RDM1: variants seen among roughly 807,000 people sequenced by gnomAD.
RDM1 encodes the protein RAD52 motif-containing protein 1.
Under a neutral mutation model 27.7 loss-of-function variants are expected in RDM1, and 28 were observed. The observed-to-expected ratio is 1.01, with a 90% CI of 0.75 to 1.39. The LOEUF (loss-of-function observed/expected upper bound fraction) is 1.39, where lower values mean the gene tolerates loss of function less well. RDM1 is among the 40% of genes most tolerant of loss of function. The probability of loss-of-function intolerance (pLI) is 0.00; values close to 1 mark genes in which losing one functional copy is unlikely to be tolerated. For missense variants in RDM1, 277 were observed against 337.3 expected (o/e 0.82, Z 1.40); for synonymous variants, 124 against 127.5 (o/e 0.97, Z 0.19).
intron 4 of RDM1, among the ~76,000 whole-genome samples, chr17:35,924,318 G>A (rs576803521): frequency 2.0e-5 from 3 of 152,082 alleles, no homozygotes; most frequent in South Asian, 4.2e-4. Flanking sequence ...ATTTTAGTTC[G>A]AAGCAAGTTC....
At chr17:35,920,456 C>CTCTTT (rs2088902363) in intron 5 of RDM1, among the ~76,000 whole-genome samples, 184 bp from the exon 6 acceptor site, 1 of 118,024 alleles carries the variant, frequency 8.5e-6, no homozygotes, top group Non-Finnish European at 1.6e-5. Context: ...TTCTTTCTTT[C>CTCTTT]TTTTTTTTTT....
Position 35,924,645 on chromosome 17 carries a change from C to A in RDM1, c.527G>T (p.Gly176Val). 6.2e-7 allele frequency: 1 copy of A among 1,614,060 alleles called. No individual in the cohort carries two copies. Among genetic ancestry groups the A allele is most frequent in the Non-Finnish European group, 8.5e-7 (1 of 1,179,948 alleles). The change falls in exon 4 of 7, where the codon GGC becomes GTC. Residue 176 changes from glycine to valine, a missense_variant. Coordinates refer to ENST00000620284, the MANE Select transcript of RDM1 (RefSeq NM_145654.4). Reference protein sequence around the residue: ...VLPSCDCRSPGIGLVEEPMDK... With the variant: ...VLPSCDCRSPVIGLVEEPMDK... Reference sequence around the variant, plus strand: ...CATAGGCTCCTCCACCAAGCCAATGCCAGGACTCCTGCAATCACAGGATGG... The same window carrying A: ...CATAGGCTCCTCCACCAAGCCAATGACAGGACTCCTGCAATCACAGGATGG...
Position 35,922,592 on chromosome 17 carries a change from A to G in RDM1, c.652T>C (p.Leu218=), listed in dbSNP as rs544506862. ...KALSDAFQKL[L]IVVLESGKIA... ...ACAGTCTTACCTAGAACAACAATCA[A>G]CAGTTTCTGGAATGCATCTGACAAA... The change falls in exon 5 of 7, where the codon TTG becomes CTG. Residue 218 remains leucine, a synonymous_variant. Coordinates refer to ENST00000620284, the MANE Select transcript of RDM1 (RefSeq NM_145654.4). The G allele has an allele frequency of 2.2e-5, 36 of 1,611,568 alleles. No homozygotes were observed. In the East Asian group the frequency reaches 2.9e-4, roughly 13 times the overall value.
At chr17:35,923,871 T>C (rs530073996) in intron 4 of RDM1, among the ~76,000 whole-genome samples, 2 of 152,168 alleles carry the variant, frequency 1.3e-5, no homozygotes, top group African/African-American at 4.8e-5. Context: ...CTGAAACCCT[T>C]TTATGAGTAA....
At chr17:35,919,280 A>G (rs1412945287) in intron 6 of RDM1, among the ~76,000 whole-genome samples, 1 of 152,226 alleles carries the variant, frequency 6.6e-6, no homozygotes, top group Non-Finnish European at 1.5e-5. Context: ...GTTTTCTTTC[A>G]GAGATTAATT....
intron 3 of RDM1, 107 bp downstream of exon 3, chr17:35,925,408 C>T: frequency 8.0e-7 from 1 of 1,250,722 alleles, no homozygotes; most frequent in Non-Finnish European, 1.1e-6. Context: ...TGGTAGAGGC[C>T]TCTCACATCT....
chr17:35,926,308 C>T (rs1297790327), intron 2 of RDM1, among the ~76,000 whole-genome samples: 1 of 150,898 alleles, frequency 6.6e-6, no homozygotes, highest in African/African-American at 2.5e-5. Context: ...CTATATATTT[C>T]ATTTTTTAAA....
At chr17:35,925,748 TC>T in intron 2 of RDM1, 111 bp from the exon 3 acceptor site, 1 of 1,222,828 alleles carries the variant, frequency 8.2e-7, no homozygotes, top group Non-Finnish European at 1.1e-6. Context: ...GTTACTGTCT[TC>T]CCATTCAGTA....
At chr17:35,923,735 C>T (rs1047861680) in intron 4 of RDM1, among the ~76,000 whole-genome samples, 16 of 152,166 alleles carry the variant, frequency 1.1e-4, no homozygotes, top group Admixed American at 2.0e-4. Context: ...TACTCCACTC[C>T]ATTAGCCTAC....
chr17:35,925,738 G>T (rs1256136037), intron 2 of RDM1, 101 bp from the exon 3 acceptor site: 1 of 1,348,864 alleles, frequency 7.4e-7, no homozygotes, highest in African/African-American at 1.5e-5. Flanking sequence ...ATGAAAAATT[G>T]TTACTGTCTT....
chr17:35,918,759 C>T (rs546306061), intron 6 of RDM1, among the ~76,000 whole-genome samples: 1 of 152,278 alleles, frequency 6.6e-6, no homozygotes, highest in East Asian at 1.9e-4. Flanking sequence ...GGAGAAGAGG[C>T]TTAGGTTGTT....
Position 35,927,309 on chromosome 17 carries a change from G to A in RDM1, c.277-1672C>T, listed in dbSNP as rs191096824. 8.6e-5 allele frequency among the ~76,000 whole-genome samples: 13 copies of A among 152,018 alleles called. No individual in the cohort carries two copies. In the East Asian group the frequency reaches 2.3e-3, roughly 27 times the overall value. Reference sequence around the variant, plus strand: ...ACAAAAATTAGCTGGGCGTGGTGGTGCACGCCTGTAATCCCAGCTGCTCTG... The same window carrying A: ...ACAAAAATTAGCTGGGCGTGGTGGTACACGCCTGTAATCCCAGCTGCTCTG... On this transcript the variant is annotated intron_variant, in intron 2 of 6. Transcript: ENST00000620284.
chr17:35,924,140 G>A (rs933579659), intron 4 of RDM1, among the ~76,000 whole-genome samples: 4 of 152,004 alleles, frequency 2.6e-5, no homozygotes, highest in African/African-American at 7.3e-5. Context: ...AGGATCCCTT[G>A]AGCCCAGAAG....
intron 6 of RDM1, among the ~76,000 whole-genome samples, chr17:35,919,339 C>G (rs1162606848): frequency 6.6e-6 from 1 of 151,936 alleles, no homozygotes; most frequent in African/African-American, 2.4e-5. Flanking sequence ...TCATGCGTTG[C>G]TTGCCATGTG....
At chr17:35,927,196 T>A (rs1488982359) in intron 2 of RDM1, among the ~76,000 whole-genome samples, 1 of 151,092 alleles carries the variant, frequency 6.6e-6, no homozygotes, top group Non-Finnish European at 1.5e-5. Context: ...ATCCCGGCAC[T>A]TTGGGAGGCC....
intron 5 of RDM1, among the ~76,000 whole-genome samples, 172 bp from the exon 6 acceptor site, chr17:35,920,444 CTTTCTTTCTTTCT>C (rs956452460): frequency 2.8e-5 from 4 of 145,440 alleles, no homozygotes; most frequent in African/African-American, 1.0e-4. Flanking sequence ...TTTTTTCTTT[CTTTCTTTCTTTCT>C]TTTTTTTTTT....
At chr17:35,918,962 G>C (rs757706066) in intron 6 of RDM1, among the ~76,000 whole-genome samples, 1 of 152,180 alleles carries the variant, frequency 6.6e-6, no homozygotes, top group Non-Finnish European at 1.5e-5. Flanking sequence ...TTTTACAATG[G>C]AAGGGATTCC....
In RDM1 at chr17:35,918,342, C is replaced by T. The variant is rs1346565386; in HGVS notation, c.855G>A (p.Ter285=). The T allele has an allele frequency of 1.9e-6, 3 of 1,612,752 alleles. No homozygotes were observed. Among genetic ancestry groups the T allele is most frequent in the East Asian group, 2.2e-5 (1 of 44,870 alleles). ...EEEFRLPELD[*] ...CCTCGCCTTGGGATATTCAGAAATG[C>T]TAGTCAAGTTCTGGCAGCCTGAACT... is the stretch of plus-strand genomic sequence containing the variant. The change falls in exon 7 of 7, where the codon TAG becomes TAA. Residue 285 remains the stop codon, a stop_retained_variant. Transcript: ENST00000620284.
At chr17:35,927,521 T>C (rs1001711705) in intron 2 of RDM1, among the ~76,000 whole-genome samples, 4 of 152,150 alleles carry the variant, frequency 2.6e-5, no homozygotes, top group African/African-American at 9.7e-5. Context: ...CCTTAGGCCT[T>C]TCCTTGATTT....
Sources: gnomAD v4.1 joint callset for allele counts (sites outside exome capture counted in the v4.1 genomes callset) on GRCh38, gnomAD v4.1.1 for gene constraint, MANE v1.5 for transcripts, NCBI Gene and HGNC (gene_info 2026-07-23, HGNC 2026-07-21) for gene names.